MS4A6E: variants seen among roughly 807,000 people sequenced by gnomAD.
MS4A6E encodes the protein membrane spanning 4-domains A6E.
MS4A6E carries 8 observed loss-of-function variants against 13.2 expected under a neutral mutation model. That is an observed-to-expected ratio of 0.60 (90% CI 0.35 to 1.09). The LOEUF (loss-of-function observed/expected upper bound fraction) is 1.09, where lower values mean the gene tolerates loss of function less well. Among genes scored for constraint, MS4A6E ranks in the 50% least tolerant of loss-of-function variants. MS4A6E has a pLI of 0.02. For missense variants in MS4A6E, 177 were observed against 171.1 expected (o/e 1.03, Z -0.19); for synonymous variants, 72 against 67.6 (o/e 1.06, Z -0.32).
rs578170722 is a variant in MS4A6E at position 60,335,036 on chromosome 11, T to G, written c.141T>G (p.Val47=). The G allele has an allele frequency of 6.2e-7, 1 of 1,613,880 alleles. No individual in the cohort carries two copies. The highest frequency in any genetic ancestry group is 1.3e-5 in the African/African-American group (1 of 74,914). ...LKKRLQAKVK[V]IGVHSSLAGS... is the part of the protein sequence containing the mutation. ...AACGTCTACAGGCAAAAGTCAAAGT[T>G]ATTGGGGTAAATCTAATTCAGAACA... Residue 47 remains valine (V), a synonymous_variant, in exon 2 of 5, where the codon GTT becomes GTG. Transcript: ENST00000684409.
chr11:60,329,317 A>G (rs2085139431), intron 1 of MS4A6E, among the ~76,000 whole-genome samples: 1 of 152,222 alleles, frequency 6.6e-6, no homozygotes. Context: ...TGAAAAGGAC[A>G]TGAACTCATT....
At position 60,329,336 on chromosome 11, in the gene MS4A6E, T is replaced by G. The variant is rs573096339; in HGVS notation, c.-15+1928T>G. On this transcript the variant is annotated intron_variant, in intron 1 of 4. Coordinates refer to ENST00000684409, the MANE Select transcript of MS4A6E (RefSeq NM_139249.4). ...AAGGACATGAACTCATTCTTTTTTA[T>G]GGCTGCATAGTATTCCATAGTATAT... Among the ~76,000 whole-genome samples the G allele has an allele frequency of 3.3e-5, 5 of 152,368 alleles. No homozygotes were observed. In the South Asian group the frequency reaches 1.0e-3, roughly 32 times the overall value.
intron 4 of MS4A6E, among the ~76,000 whole-genome samples, chr11:60,348,861 C>T (rs755950669): frequency 1.3e-5 from 2 of 152,148 alleles, no homozygotes; most frequent in Non-Finnish European, 2.9e-5. Flanking sequence ...ATGGGATGCC[C>T]GGGATTTTTA....
chr11:60,339,413 T>C (rs902873796), intron 3 of MS4A6E, among the ~76,000 whole-genome samples: 2 of 152,148 alleles, frequency 1.3e-5, no homozygotes, highest in Non-Finnish European at 2.9e-5. Flanking sequence ...CTCTGAGAAA[T>C]AAATGTTAGT....
downstream of MS4A6E, among the ~76,000 whole-genome samples, chr11:60,345,982 G>A (rs1487226789): frequency 6.6e-6 from 1 of 152,178 alleles, no homozygotes; most frequent in Non-Finnish European, 1.5e-5. Flanking sequence ...CCAGAAGGAG[G>A]TCTACCTTCC....
At chr11:60,328,029 C>CAAAAAAAAAAAAAAAAAAAAAAAA (rs3042505) in intron 1 of MS4A6E, among the ~76,000 whole-genome samples, 1 of 82,078 alleles carries the variant, frequency 1.2e-5, no homozygotes, top group Non-Finnish European at 2.3e-5. Context: ...GACTCCATCT[C>CAAAAAAAAAAAAAAAAAAAAAAAA]AAAAAAAAAA....
At chr11:60,346,466 A>T (rs2085256578) in intron 4 of MS4A6E, among the ~76,000 whole-genome samples, 1 of 152,184 alleles carries the variant, frequency 6.6e-6, no homozygotes, top group Admixed American at 6.5e-5. Context: ...CTGCCTGTGT[A>T]ATAAACTTGT....
downstream of MS4A6E, among the ~76,000 whole-genome samples, chr11:60,344,719 G>A (rs1481055772): frequency 6.6e-6 from 1 of 152,100 alleles, no homozygotes; most frequent in Non-Finnish European, 1.5e-5. Flanking sequence ...GATTAGAGGG[G>A]CTTGAAGTCC....
At position 60,339,930 on chromosome 11, in the gene MS4A6E, T is replaced by C. The variant is rs1024325549; in HGVS notation, c.419T>C (p.Val140Ala). The change falls in exon 4 of 5, where the codon GTG becomes GCG. Residue 140 changes from valine to alanine, a missense_variant. By Grantham distance (64) the Val-to-Ala change is moderately conservative (BLOSUM62 0). Coordinates refer to ENST00000684409, the MANE Select transcript of MS4A6E (RefSeq NM_139249.4). The stretch of plus-strand genomic sequence containing the variant: ...TTCTGCCTAGCTGTGCTCACTGCTG[T>C]GCTGCAGTGGAAACAGACTGTCTGA... ...LEFCLAVLTA[V>A]LQWKQTV 6.2e-7 allele frequency: 1 copy of C among 1,613,662 alleles called. No individual in the cohort carries two copies. The highest frequency in any genetic ancestry group is 8.5e-7 in the Non-Finnish European group (1 of 1,179,704).
downstream of MS4A6E, among the ~76,000 whole-genome samples, chr11:60,342,263 T>A (rs1209982290): frequency 6.6e-6 from 1 of 151,512 alleles, no homozygotes. Context: ...ACCTCCCCAC[T>A]ATTAATCACA....
At chr11:60,336,955 G>T (rs2085191868) in intron 2 of MS4A6E, among the ~76,000 whole-genome samples, 1 of 152,162 alleles carries the variant, frequency 6.6e-6, no homozygotes, top group Non-Finnish European at 1.5e-5. Context: ...AAGGAACTGA[G>T]TACCCAAGGG....
downstream of MS4A6E, among the ~76,000 whole-genome samples, chr11:60,341,370 T>C (rs1279482300): frequency 6.6e-6 from 1 of 152,188 alleles, no homozygotes; most frequent in Non-Finnish European, 1.5e-5. Context: ...TATTTTTTCC[T>C]TTAAACACAG....
intron 2 of MS4A6E, among the ~76,000 whole-genome samples, chr11:60,337,014 G>T (rs573510942): frequency 6.6e-6 from 1 of 152,250 alleles, no homozygotes; most frequent in Admixed American, 6.5e-5. Context: ...CTGACATCCA[G>T]TCCAGGCCTT....
At chr11:60,335,119 T>A in intron 2 of MS4A6E, 77 bp downstream of exon 2, 1 of 1,565,688 alleles carries the variant, frequency 6.4e-7, no homozygotes, top group Non-Finnish European at 8.7e-7. Flanking sequence ...GGACTGGTCA[T>A]CCTTGTGAGT....
downstream of MS4A6E, among the ~76,000 whole-genome samples, chr11:60,345,403 CTGCT>C (rs1473034954): frequency 6.6e-6 from 1 of 152,138 alleles, no homozygotes; most frequent in African/African-American, 2.4e-5. Flanking sequence ...AGCTAATTGA[CTGCT>C]TGTGGCTGGA....
At position 60,327,576 on chromosome 11, in the gene MS4A6E, C is replaced by T. The variant is rs566228495; in HGVS notation, c.-15+168C>T. Among the ~76,000 whole-genome samples the T allele has an allele frequency of 3.7e-3, 559 of 152,244 alleles. 6 individuals are homozygous for T. The highest frequency in any genetic ancestry group is 0.013 in the African/African-American group (530 of 41,530). On this transcript the variant is annotated intron_variant, in intron 1 of 4. Transcript: ENST00000684409. ...AACTGGGTAATGGGTAGAGGCTAGT[C>T]TCTAACAGACGATTCTGGTAAGGAC...
At position 60,330,027 on chromosome 11, in the gene MS4A6E, G is replaced by A. The variant is rs968695988; in HGVS notation, c.-15+2619G>A. The stretch of plus-strand genomic sequence containing the variant: ...TTTTTAGTAGAGATGGGGTTTCACC[G>A]TGTTAGCCAGGCTGGTTTTGATCTC... On this transcript the variant is annotated intron_variant, in intron 1 of 4. Coordinates refer to ENST00000684409, the MANE Select transcript of MS4A6E (RefSeq NM_139249.4). 1.4e-4 allele frequency among the ~76,000 whole-genome samples: 21 copies of A among 150,208 alleles called. 2 individuals carry two copies. The highest frequency in any genetic ancestry group is 4.3e-4 in the South Asian group (2 of 4,702).
chr11:60,343,452 A>C (rs1340427457), downstream of MS4A6E, among the ~76,000 whole-genome samples: 1 of 152,244 alleles, frequency 6.6e-6, no homozygotes, highest in Non-Finnish European at 1.5e-5. Flanking sequence ...TGCAGGTGCC[A>C]CAATGTATAG....
rs2085221051 is a variant in MS4A6E, at chr11:60,340,918, G to A, written c.*152G>A. 2 of 153,294 alleles carry A rather than the reference G, an allele frequency of 1.3e-5. No individual in the cohort carries two copies. The highest frequency in any genetic ancestry group is 2.9e-5 in the Non-Finnish European group (2 of 68,204). 9.5% of individuals were successfully genotyped at this position (153,294 alleles called of 1,614,324 possible). On this transcript the variant is annotated 3_prime_UTR_variant, in exon 5 of 5. Coordinates refer to ENST00000684409, the MANE Select transcript of MS4A6E (RefSeq NM_139249.4). Reference sequence around the variant, plus strand: ...AACCATTATAAAAAAGCAAACTTGAGTTTCCTAAATGTAAGCATTTAAAGT... The same window carrying A: ...AACCATTATAAAAAAGCAAACTTGAATTTCCTAAATGTAAGCATTTAAAGT...
Sources: gnomAD v4.1 joint callset for allele counts (sites outside exome capture counted in the v4.1 genomes callset) on GRCh38, gnomAD v4.1.1 for gene constraint, MANE v1.5 for transcripts, NCBI Gene and HGNC (gene_info 2026-07-23, HGNC 2026-07-21) for gene names.